LRBA: variants seen among roughly 807,000 people sequenced by gnomAD.
LRBA encodes the protein lipopolysaccharide-responsive and beige-like anchor protein.
Under a neutral mutation model 330.0 loss-of-function variants are expected in LRBA, and 176 were observed. That is an observed-to-expected ratio of 0.53 (90% CI 0.47 to 0.60). The LOEUF (loss-of-function observed/expected upper bound fraction) is 0.60, where lower values mean the gene tolerates loss of function less well. LRBA is among the 20% of genes least tolerant of loss of function. The pLI, the probability that LRBA is intolerant of heterozygous loss-of-function variation, is 0.00. For missense variants in LRBA, 3,259 were observed against 3,444.8 expected (o/e 0.95, Z 1.35); for synonymous variants, 1,230 against 1,193.0 (o/e 1.03, Z -0.64).
intron 31 of LRBA, among the ~76,000 whole-genome samples, chr4:150,813,730 A>G (rs924921128): frequency 6.6e-6 from 1 of 152,068 alleles, no homozygotes; most frequent in Non-Finnish European, 1.5e-5. Flanking sequence ...CACAAATGGG[A>G]ATTTCCTTGA....
chr4:150,489,379 CATATAAGAATATAAAATATATTAT>C lies in LRBA; in HGVS notation c.6448+1515_6448+1538del, dbSNP rs1247417051. ...ACATATAAGAATATAAAATATATTA[CATATAAGAATATAAAATATATTAT>C]ATATAAGAATATAAAATATATTACA... is the stretch of plus-strand genomic sequence containing the variant. On this transcript the variant is annotated intron_variant, in intron 41 of 56. Transcript: ENST00000651943. Among the ~76,000 whole-genome samples the C allele has an allele frequency of 4.7e-3, 229 of 48,314 alleles. 6 individuals carry two copies. The highest frequency in any genetic ancestry group is 0.015 in the African/African-American group (212 of 14,160). The allele number at this position is 48,314 out of a possible 152,430, so 31.7% of individuals were successfully genotyped here.
chr4:150,512,808 C>T (rs1257713200), intron 40 of LRBA, among the ~76,000 whole-genome samples: 1 of 151,346 alleles, frequency 6.6e-6, no homozygotes, highest in Non-Finnish European at 1.5e-5. Flanking sequence ...ACACCTTCAC[C>T]TCCCCCCAAA....
intron 40 of LRBA, among the ~76,000 whole-genome samples, chr4:150,491,716 G>T (rs192197439): frequency 9.5e-4 from 144 of 152,224 alleles, no homozygotes; most frequent in Middle Eastern, 6.8e-3. Flanking sequence ...GACAGACAGA[G>T]TTGCTTAAAA....
chr4:150,519,091 T>C (rs1365201370), intron 40 of LRBA, among the ~76,000 whole-genome samples: 1 of 152,188 alleles, frequency 6.6e-6, no homozygotes, highest in Non-Finnish European at 1.5e-5. Context: ...AATAGCAATA[T>C]TTAAATGAGA....
chr4:150,439,463 T>C (rs1281815712), intron 44 of LRBA, among the ~76,000 whole-genome samples: 1 of 152,038 alleles, frequency 6.6e-6, no homozygotes, highest in Non-Finnish European at 1.5e-5. Flanking sequence ...CCACGTTTAT[T>C]TGCAAGCATA....
chr4:150,575,354 G>T (rs971514357), intron 40 of LRBA, among the ~76,000 whole-genome samples: 1 of 151,886 alleles, frequency 6.6e-6, no homozygotes, highest in Non-Finnish European at 1.5e-5. Context: ...AACATTTAAA[G>T]GATGAGGCAG....
At chr4:150,419,363 T>C (rs140752209) in intron 46 of LRBA, among the ~76,000 whole-genome samples, 283 of 152,182 alleles carry the variant, frequency 1.9e-3, no homozygotes, top group African/African-American at 6.2e-3. Context: ...TCTTAGACAA[T>C]AAAGATATGA....
chr4:150,373,665 C>G lies in LRBA; in HGVS notation c.7195-23506G>C, dbSNP rs140801697. Among the ~76,000 whole-genome samples, 550 of 152,272 alleles carry G rather than the reference C, an allele frequency of 3.6e-3. 3 individuals carry two copies. The highest frequency in any genetic ancestry group is 0.01 in the Middle Eastern group (3 of 294). ...TTCTAGTTCACTAACATCATATTTC[C>G]TTCAGTAGCTGCCCTCAATTACACA... On this transcript the variant is annotated intron_variant, in intron 47 of 56. Transcript: ENST00000651943.
chr4:150,553,584 A>G (rs898213148), intron 40 of LRBA, among the ~76,000 whole-genome samples: 144 of 152,146 alleles, frequency 9.5e-4, no homozygotes, highest in African/African-American at 3.4e-3. Context: ...CAAAAATACA[A>G]TTTATGCCAA....
At chr4:150,712,590 C>T (rs910379312) in intron 36 of LRBA, among the ~76,000 whole-genome samples, 4 of 152,068 alleles carry the variant, frequency 2.6e-5, no homozygotes, top group Admixed American at 6.5e-5. Flanking sequence ...CAGAAAATTC[C>T]TTAACTTGTC....
intron 22 of LRBA, among the ~76,000 whole-genome samples, chr4:150,860,896 C>T (rs531156053): frequency 1.3e-4 from 20 of 152,022 alleles, no homozygotes; most frequent in African/African-American, 4.6e-4. Context: ...CTGAGAAATG[C>T]ATCATTAAGC....
At chr4:150,968,953 T>C (rs1409878372) in intron 2 of LRBA, among the ~76,000 whole-genome samples, 1 of 152,176 alleles carries the variant, frequency 6.6e-6, no homozygotes, top group Non-Finnish European at 1.5e-5. Context: ...TCCTTCAGAA[T>C]TATGTTAAAT....
intron 40 of LRBA, among the ~76,000 whole-genome samples, chr4:150,534,792 A>C (rs1013621120): frequency 6.6e-6 from 1 of 152,146 alleles, no homozygotes; most frequent in Non-Finnish European, 1.5e-5. Flanking sequence ...CACCCTCTAA[A>C]CATTCTTAAA....
chr4:150,953,244 C>T (rs945012552), intron 2 of LRBA, among the ~76,000 whole-genome samples: 2 of 152,148 alleles, frequency 1.3e-5, no homozygotes, highest in African/African-American at 4.8e-5. Context: ...GTGAACAACA[C>T]TATAAACCAA....
At chr4:150,758,231 G>C (rs2126446760) in intron 35 of LRBA, among the ~76,000 whole-genome samples, 1 of 152,318 alleles carries the variant, frequency 6.6e-6, no homozygotes, top group African/African-American at 2.4e-5. Flanking sequence ...TTGGCTTGGA[G>C]AAAGACATTA....
chr4:150,916,250 G>A (rs1252487562), intron 7 of LRBA, 151 bp downstream of exon 7: 1 of 694,152 alleles, frequency 1.4e-6, no homozygotes, highest in Non-Finnish European at 2.3e-6. Context: ...AATCAGAGAG[G>A]TCAATTATTC....
chr4:150,884,119 G>A (rs1190477152), intron 17 of LRBA, among the ~76,000 whole-genome samples: 1 of 152,098 alleles, frequency 6.6e-6, no homozygotes, highest in Non-Finnish European at 1.5e-5. Flanking sequence ...ACCATTTGGG[G>A]GCTGGCAGTA....
At chr4:150,780,631 G>GTA (rs201026564) in intron 34 of LRBA, among the ~76,000 whole-genome samples, 121 of 136,944 alleles carry the variant, frequency 8.8e-4, no homozygotes, top group African/African-American at 2.4e-3. Context: ...ATATATACAC[G>GTA]TATATATATA....
At chr4:150,478,217 C>T (rs1286332839) in intron 42 of LRBA, among the ~76,000 whole-genome samples, 1 of 152,102 alleles carries the variant, frequency 6.6e-6, no homozygotes, top group African/African-American at 2.4e-5. Context: ...TTCTTTTGAG[C>T]TCTCAACATA....
Sources: gnomAD v4.1 joint callset for allele counts (sites outside exome capture counted in the v4.1 genomes callset) on GRCh38, gnomAD v4.1.1 for gene constraint, MANE v1.5 for transcripts, NCBI Gene and HGNC (gene_info 2026-07-23, HGNC 2026-07-21) for gene names.